Variants in ZNF462 observed in about 807,000 individuals in gnomAD.
The protein encoded by ZNF462 is zinc finger PBX1-interacting protein.
A neutral mutation model predicts 201.9 loss-of-function variants in ZNF462; 10 were observed. That is an observed-to-expected ratio of 0.05 (90% CI 0.03 to 0.08). The LOEUF (loss-of-function observed/expected upper bound fraction) is 0.08. Ranked by LOEUF, ZNF462 falls within the 10% of genes least tolerant of loss-of-function variation. The pLI is 1.00. For synonymous variants in ZNF462, 1,227 were observed against 1,193.3 expected (o/e 1.03, Z -0.58); for missense variants, 2,523 against 3,168.3 (o/e 0.80, Z 4.89).
At chr9:106,939,719 A>G (rs1472856887) in intron 7 of ZNF462, among the ~76,000 whole-genome samples, 1 of 152,206 alleles carries the variant, frequency 6.6e-6, no homozygotes, top group Non-Finnish European at 1.5e-5. Context: ...TCTCCTCGCT[A>G]GCAATGTGAC....
chr9:106,941,313 G>A (rs934124090), intron 7 of ZNF462, among the ~76,000 whole-genome samples: 7 of 152,108 alleles, frequency 4.6e-5, no homozygotes, highest in South Asian at 4.1e-4. Context: ...TACTATTAGC[G>A]CTTACATTTG....
chr9:106,965,490 G>A (rs947340786), intron 7 of ZNF462, among the ~76,000 whole-genome samples: 3 of 152,006 alleles, frequency 2.0e-5, no homozygotes, highest in Admixed American at 1.3e-4. Flanking sequence ...GACTGAGGAG[G>A]AAAATGAATG....
chr9:106,889,319 C>G (rs1025641717), intron 1 of ZNF462, among the ~76,000 whole-genome samples: 3 of 152,286 alleles, frequency 2.0e-5, no homozygotes, highest in East Asian at 1.9e-4. Flanking sequence ...TCGCTGTGCT[C>G]GGGTAGCTCA....
intron 7 of ZNF462, among the ~76,000 whole-genome samples, chr9:106,940,744 C>A (rs910058180): frequency 6.6e-6 from 1 of 151,938 alleles, no homozygotes; most frequent in South Asian, 2.1e-4. Flanking sequence ...GGGAAGGAAG[C>A]CTGTAGTGTT....
intron 10 of ZNF462, among the ~76,000 whole-genome samples, chr9:106,992,515 C>T (rs567784844): frequency 1.3e-5 from 2 of 152,088 alleles, no homozygotes; most frequent in Admixed American, 1.3e-4. Context: ...TAAAATACGG[C>T]GTATCCATGC....
At chr9:107,000,298 C>T (rs752599822) in intron 10 of ZNF462, among the ~76,000 whole-genome samples, 7 of 151,738 alleles carry the variant, frequency 4.6e-5, no homozygotes, top group Non-Finnish European at 1.0e-4. Context: ...GTATTTCATC[C>T]TCAGGGCAAG....
chr9:106,932,537 C>T lies in ZNF462; in HGVS notation c.6104C>T (p.Ala2035Val), dbSNP rs766950147. 1.9e-6 allele frequency: 3 copies of T among 1,614,100 alleles called. No homozygotes were observed. Among genetic ancestry groups the T allele is most frequent in the African/African-American group, 1.3e-5 (1 of 74,930 alleles). Reference protein sequence around the residue: ...YSCQYCSFVSAFRHNLDRHMQ... With the variant: ...YSCQYCSFVSVFRHNLDRHMQ... ...TGCCAGTATTGCTCGTTTGTTTCTG[C>T]TTTCAGGCACAAGTAAGTGCTATTG... Residue 2035 changes from alanine to valine, a missense_variant, in exon 5 of 13, where the codon GCT becomes GTT. Physicochemically the swap from Ala to Val is moderately conservative, Grantham distance 64. Transcript: ENST00000277225. This position sits in a 1 kb window ranked among gnomAD's most constrained non-coding sequence, Gnocchi z 6.8.
At position 107,010,557 on chromosome 9, in the gene ZNF462, A is replaced by C. The variant is rs953239705; in HGVS notation, c.7314-266A>C. ...GATTATGCTTATCTAGAAAGAAAAC[A>C]TGGGATAATCAATATATAGTATAAT... On this transcript the variant is annotated intron_variant, in intron 12 of 12. Transcript: ENST00000277225. The surrounding 1 kb of genome is among the most constrained non-coding windows in gnomAD (Gnocchi z 4.6). 1.3e-5 allele frequency among the ~76,000 whole-genome samples: 2 copies of C among 152,174 alleles called. No individual in the cohort carries two copies. The highest frequency in any genetic ancestry group is 2.9e-5 in the Non-Finnish European group (2 of 68,028).
In ZNF462 at chr9:106,943,540, C is replaced by G. The variant is rs1830977353; in HGVS notation, c.6427+4433C>G. On this transcript the variant is annotated intron_variant, in intron 7 of 12. Transcript: ENST00000277225. ...TGTACTTCTACTCACTTTCAGTAAGCTCTGCTGGGAGGTTAGGTGGATTTC... is the reference window on the plus strand; with the variant it reads ...TGTACTTCTACTCACTTTCAGTAAGGTCTGCTGGGAGGTTAGGTGGATTTC... Among the ~76,000 whole-genome samples, 3 of 152,146 alleles carry G rather than the reference C, an allele frequency of 2.0e-5. No homozygotes were observed. In the South Asian group the frequency reaches 6.2e-4, roughly 32 times the overall value.
rs569728470 is a variant in ZNF462, at chr9:106,930,910, G to T, written c.6012+221G>T. On this transcript the variant is annotated intron_variant, in intron 4 of 12. Transcript: ENST00000277225. The surrounding 1 kb of genome is among the most constrained non-coding windows in gnomAD (Gnocchi z 5.8). ...TTTCGATCTGGTTTCCTTCCACGCG[G>T]ATAGTTTGGTGGCAGCAGAAGGTCC... The T allele has an allele frequency of 6.5e-5, 32 of 493,918 alleles. No homozygotes were observed. In the South Asian group the frequency reaches 8.0e-4, roughly 12 times the overall value. 30.6% of individuals were successfully genotyped at this position (493,918 alleles called of 1,614,324 possible).
Position 106,930,771 on chromosome 9 carries a change from G to GA in ZNF462, c.6012+85dup. 1.3e-6 allele frequency: 2 copies of GA among 1,528,332 alleles called. No individual in the cohort carries two copies. The highest frequency in any genetic ancestry group is 1.8e-6 in the Non-Finnish European group (2 of 1,121,508). The allele number at this position is 1,528,332 out of a possible 1,614,324, so 94.7% of individuals were successfully genotyped here. A position where few individuals can be genotyped will look rare whatever the true frequency, so the allele number is the denominator to read the frequency against. On this transcript the variant is annotated intron_variant, in intron 4 of 12. Transcript: ENST00000277225. This position sits in a 1 kb window ranked among gnomAD's most constrained non-coding sequence, Gnocchi z 5.8. ...AACCCCATTGCCTAAAGCAGCTCAG[G>GA]AAAGAGCATCTCAGAATGCGGGCAT... is the stretch of plus-strand genomic sequence containing the variant.
chr9:106,920,014 G>A lies in ZNF462; in HGVS notation c.-30-3340G>A, dbSNP rs916945210. Among the ~76,000 whole-genome samples the A allele has an allele frequency of 6.6e-6, 1 of 152,186 alleles. No individual in the cohort carries two copies. Among genetic ancestry groups the A allele is most frequent in the Admixed American group, 6.5e-5 (1 of 15,272 alleles). ...CATAATCATAGTATTATTAAATGAA[G>A]TCAATAGATATGAGATCAAAGCTTT... On this transcript the variant is annotated intron_variant, in intron 1 of 12. Transcript: ENST00000277225. This position sits in a 1 kb window ranked among gnomAD's most constrained non-coding sequence, Gnocchi z 4.3.
intron 1 of ZNF462, among the ~76,000 whole-genome samples, chr9:106,877,371 GTTA>G (rs573063407): frequency 2.4e-5 from 3 of 122,810 alleles, no homozygotes; most frequent in South Asian, 2.7e-4. Context: ...GAATGTTGTT[GTTA>G]TTATTATTAT....
rs1828466533 is a variant in ZNF462 at position 106,993,683 on chromosome 9, C to A, written c.7056+9274C>A. 6.6e-6 allele frequency among the ~76,000 whole-genome samples: 1 copy of A among 150,702 alleles called. No individual in the cohort carries two copies. Among genetic ancestry groups the A allele is most frequent in the Non-Finnish European group, 1.5e-5 (1 of 67,776 alleles). On this transcript the variant is annotated intron_variant, in intron 10 of 12. Transcript: ENST00000277225. This position sits in a 1 kb window ranked among gnomAD's most constrained non-coding sequence, Gnocchi z 4.0. ...TGTCCCCCAACATTCTACCCCCCAA[C>A]ACACATAGTGAATTATTTATCAGTA...
Position 107,013,565 on chromosome 9 carries a change from T to C in ZNF462, c.*2535T>C, listed in dbSNP as rs1341784055. On this transcript the variant is annotated 3_prime_UTR_variant, in exon 13 of 13. Coordinates refer to ENST00000277225, the MANE Select transcript of ZNF462 (RefSeq NM_021224.6). ...AACAAAAAAAACCACAAGTAGGTTA[T>C]TCAAGTTGTTTGCAACATACATTTT... The C allele has an allele frequency of 1.3e-5, 2 of 152,204 alleles. No individual in the cohort carries two copies. The highest frequency in any genetic ancestry group is 2.4e-5 in the African/African-American group (1 of 41,476). The allele number at this position is 152,204 out of a possible 1,614,324, so 9.4% of individuals were successfully genotyped here.
At position 106,925,186 on chromosome 9, in the gene ZNF462, T is replaced by G; in HGVS notation, c.1274T>G (p.Leu425Trp). 6.2e-7 allele frequency: 1 copy of G among 1,614,194 alleles called. No homozygotes were observed. The highest frequency in any genetic ancestry group is 8.5e-7 in the Non-Finnish European group (1 of 1,180,042). Reference protein sequence around the residue: ...QLMGSDGNKLLETKGIPFRRF... With the variant: ...QLMGSDGNKLWETKGIPFRRF... The stretch of plus-strand genomic sequence containing the variant: ...ATGGGCTCAGATGGCAACAAATTAT[T>G]GGAGACCAAGGGGATTCCATTTAGA... Residue 425 changes from leucine to tryptophan, a missense_variant, in exon 3 of 13, where the codon TTG becomes TGG. This residue lies in a region of ZNF462 where 480 missense variants were observed against 544.4 expected (regional missense o/e 0.88). Transcript: ENST00000277225. The surrounding 1 kb of genome is among the most constrained non-coding windows in gnomAD (Gnocchi z 7.9).
chr9:106,928,156 A>G lies in ZNF462; in HGVS notation c.4244A>G (p.Lys1415Arg). 6.2e-7 allele frequency: 1 copy of G among 1,614,192 alleles called. No homozygotes were observed. Among genetic ancestry groups the G allele is most frequent in the South Asian group, 1.1e-5 (1 of 91,084 alleles). ...DIIKEKDAVE[K>R]PILSSEELAG... ...ATCAAGGAGAAAGATGCTGTGGAGA[A>G]GCCCATTCTTTCATCCGAAGAGTTG... The change falls in exon 3 of 13, where the codon AAG (lysine) becomes AGG (arginine). Residue 1415 changes from lysine to arginine, a missense_variant. Lys to Arg is a conservative substitution (Grantham distance 26, BLOSUM62 2). Coordinates refer to ENST00000277225, the MANE Select transcript of ZNF462 (RefSeq NM_021224.6). This position sits in a 1 kb window ranked among gnomAD's most constrained non-coding sequence, Gnocchi z 9.3.
rs1282080161 is a variant in ZNF462, at chr9:106,930,909, G to A, written c.6012+220G>A. On this transcript the variant is annotated intron_variant, in intron 4 of 12. Coordinates refer to ENST00000277225, the MANE Select transcript of ZNF462 (RefSeq NM_021224.6). This position sits in a 1 kb window ranked among gnomAD's most constrained non-coding sequence, Gnocchi z 5.8. ...GTTTCGATCTGGTTTCCTTCCACGC[G>A]GATAGTTTGGTGGCAGCAGAAGGTC... The A allele has an allele frequency of 8.2e-6, 4 of 490,034 alleles. No homozygotes were observed. Among genetic ancestry groups the A allele is most frequent in the East Asian group, 7.6e-5 (2 of 26,282 alleles). The allele number at this position is 490,034 out of a possible 1,614,324, so 30.4% of individuals were successfully genotyped here.
At chr9:107,001,018 T>A (rs1829147643) in intron 10 of ZNF462, among the ~76,000 whole-genome samples, 1 of 152,168 alleles carries the variant, frequency 6.6e-6, no homozygotes. Context: ...TTTGGTCTCC[T>A]TGGTTTCATT....
Sources: gnomAD v4.1 joint callset for allele counts (sites outside exome capture counted in the v4.1 genomes callset) on GRCh38, gnomAD v4.1.1 for gene constraint, gnomAD v4.1.1 regional missense constraint, Gnocchi (gnomAD v3.1) non-coding constraint, MANE v1.5 for transcripts, NCBI Gene and HGNC (gene_info 2026-07-23, HGNC 2026-07-21) for gene names.